The following MEI4 variants were observed in gnomAD, a reference collection of about 807,000 sequenced individuals.
The protein encoded by MEI4 is meiosis-specific protein MEI4.
Under a neutral mutation model 31.4 loss-of-function variants are expected in MEI4, and 27 were observed. That is an observed-to-expected ratio of 0.86 (90% CI 0.63 to 1.19). MEI4 has a LOEUF of 1.19. MEI4 is among the 50% of genes most tolerant of loss of function. MEI4 has a pLI of 0.00. For missense variants in MEI4, 329 were observed against 398.9 expected (o/e 0.82, Z 1.49); for synonymous variants, 122 against 145.4 (o/e 0.84, Z 1.16).
At position 77,744,750 on chromosome 6, in the gene MEI4, A is replaced by T. The variant is rs182996662; in HGVS notation, c.233-16380A>T. Among the ~76,000 whole-genome samples the T allele has an allele frequency of 1.4e-3, 213 of 152,354 alleles. 1 individual carries two copies. Among genetic ancestry groups the T allele is most frequent in the African/African-American group, 4.5e-3 (187 of 41,588 alleles). Reference sequence around the variant, plus strand: ...TATGGTTACCCACAAGGGGAAGCCCATCAGACTAACAGTCGATCTCTCGGC... The same window carrying T: ...TATGGTTACCCACAAGGGGAAGCCCTTCAGACTAACAGTCGATCTCTCGGC... On this transcript the variant is annotated intron_variant, in intron 2 of 4. Coordinates refer to ENST00000684080, the MANE Select transcript of MEI4 (RefSeq NM_001322247.2).
chr6:77,924,404 GATA>G lies in MEI4; in HGVS notation c.*1061_*1063del, dbSNP rs1766795256. On this transcript the variant is annotated 3_prime_UTR_variant, in exon 5 of 5. Coordinates refer to ENST00000684080, the MANE Select transcript of MEI4 (RefSeq NM_001322247.2). ...GAATTATTTCTAGCATTTTTGAAAA[GATA>G]ATGCCTTTTTGATAATCCTGAAACT... 6.6e-6 allele frequency: 1 copy of G among 151,830 alleles called. No individual in the cohort carries two copies. The highest frequency in any genetic ancestry group is 2.1e-4 in the South Asian group (1 of 4,830). The allele number at this position is 151,830 out of a possible 1,614,324, so 9.4% of individuals were successfully genotyped here.
intron 1 of MEI4, among the ~76,000 whole-genome samples, chr6:77,668,015 G>A (rs1198810293): frequency 1.3e-5 from 2 of 150,264 alleles, no homozygotes; most frequent in Non-Finnish European, 2.9e-5. Context: ...AATCACCACC[G>A]AGACCTGACA....
In MEI4 at chr6:77,902,548, A is replaced by G. The variant is rs960221712; in HGVS notation, c.901-20541A>G. ...AAGCACTACTGATTTTTGTGTATTG[A>G]TTTTGTATCCTTTGTGAAAGGAAAA... On this transcript the variant is annotated intron_variant, in intron 4 of 4. Transcript: ENST00000684080. Among the ~76,000 whole-genome samples, 6 of 152,028 alleles carry G rather than the reference A, an allele frequency of 3.9e-5. No homozygotes were observed. The East Asian group carries it at 9.7e-4, about 25-fold the overall frequency.
At chr6:77,823,955 G>A (rs1769885470) in intron 3 of MEI4, among the ~76,000 whole-genome samples, 1 of 152,204 alleles carries the variant, frequency 6.6e-6, no homozygotes, top group African/African-American at 2.4e-5. Flanking sequence ...ATTCAGAGTA[G>A]TAATTAGTAA....
At chr6:77,835,360 GAAAAC>G (rs1332501006) in intron 4 of MEI4, among the ~76,000 whole-genome samples, 1 of 70,570 alleles carries the variant, frequency 1.4e-5, no homozygotes, top group Non-Finnish European at 2.9e-5. Context: ...AACTCCATAA[GAAAAC>G]AAAACAAAAC....
intron 2 of MEI4, among the ~76,000 whole-genome samples, chr6:77,747,851 T>C (rs1767656398): frequency 1.3e-5 from 2 of 152,184 alleles, no homozygotes; most frequent in African/African-American, 4.8e-5. Context: ...AAAAGCTGCT[T>C]AGTTACTTCC....
At chr6:77,835,373 A>ACACACACACACACACACAC (rs1770189280) in intron 4 of MEI4, among the ~76,000 whole-genome samples, 5 of 96,794 alleles carry the variant, frequency 5.2e-5, no homozygotes, top group African/African-American at 1.8e-4. Context: ...AACAAAACAA[A>ACACACACACACACACACAC]ACACACACAC....
chr6:77,714,695 C>G (rs1360047446), intron 2 of MEI4, among the ~76,000 whole-genome samples: 1 of 152,192 alleles, frequency 6.6e-6, no homozygotes, highest in Admixed American at 6.5e-5. Flanking sequence ...CCCCATATCC[C>G]TATCTGTGCA....
intron 3 of MEI4, among the ~76,000 whole-genome samples, chr6:77,809,592 G>A (rs979760896): frequency 6.6e-6 from 1 of 152,158 alleles, no homozygotes; most frequent in African/African-American, 2.4e-5. Flanking sequence ...TATGCGTTTT[G>A]TAATGATAAT....
chr6:77,908,234 A>C lies in MEI4; in HGVS notation c.901-14855A>C, dbSNP rs183765628. 7.0e-3 allele frequency among the ~76,000 whole-genome samples: 1,057 copies of C among 152,068 alleles called. 10 individuals carry two copies. The highest frequency in any genetic ancestry group is 0.023 in the African/African-American group (962 of 41,498). On this transcript the variant is annotated intron_variant, in intron 4 of 4. Transcript: ENST00000684080. ...ATGAAGTCCTTGCCCATGCCTATGT[A>C]CTGAATGGTATTGCCTAGGTTTTCT...
chr6:77,846,569 T>C (rs1257071421), intron 4 of MEI4, among the ~76,000 whole-genome samples: 9 of 152,158 alleles, frequency 5.9e-5, no homozygotes, highest in Admixed American at 5.9e-4. Context: ...CTTTTACTTA[T>C]ATCTAATGAG....
chr6:77,748,527 C>T (rs1414991020), intron 2 of MEI4, among the ~76,000 whole-genome samples: 1 of 152,188 alleles, frequency 6.6e-6, no homozygotes, highest in African/African-American at 2.4e-5. Flanking sequence ...GGTCCTGGGC[C>T]TAGCCCAGGA....
chr6:77,842,755 A>G (rs1582205160), intron 4 of MEI4, among the ~76,000 whole-genome samples: 1 of 152,188 alleles, frequency 6.6e-6, no homozygotes, highest in Middle Eastern at 3.4e-3. Flanking sequence ...AGTGGACATC[A>G]TTGCAGGTGT....
chr6:77,769,930 T>C (rs551050253), intron 3 of MEI4, among the ~76,000 whole-genome samples: 96 of 151,802 alleles, frequency 6.3e-4, no homozygotes, highest in African/African-American at 1.6e-3. Context: ...TTCCCAGCTG[T>C]GGTAACTTTG....
chr6:77,907,223 G>A (rs1194162085), intron 4 of MEI4, among the ~76,000 whole-genome samples: 1 of 151,908 alleles, frequency 6.6e-6, no homozygotes. Flanking sequence ...TGCCATGTTG[G>A]TGTGTTGCAC....
At chr6:77,749,203 C>T (rs1189685277) in intron 2 of MEI4, among the ~76,000 whole-genome samples, 2 of 152,140 alleles carry the variant, frequency 1.3e-5, no homozygotes, top group African/African-American at 4.8e-5. Flanking sequence ...AAACCCAGAA[C>T]ACCTCTTCTC....
At chr6:77,699,909 C>T (rs962912679) in intron 2 of MEI4, among the ~76,000 whole-genome samples, 12 of 152,144 alleles carry the variant, frequency 7.9e-5, no homozygotes, top group South Asian at 4.1e-4. Context: ...TGTAGAACAG[C>T]GGATTTTGGT....
chr6:77,745,525 A>G (rs1767572960), intron 2 of MEI4, among the ~76,000 whole-genome samples: 1 of 152,336 alleles, frequency 6.6e-6, no homozygotes, highest in African/African-American at 2.4e-5. Context: ...ATAATGGGAG[A>G]CTTTAATACC....
chr6:77,688,503 A>G (rs971076802), intron 1 of MEI4, among the ~76,000 whole-genome samples: 1 of 152,162 alleles, frequency 6.6e-6, no homozygotes, highest in Non-Finnish European at 1.5e-5. Context: ...CATGATTTTA[A>G]GACTATTAAC....
Sources: gnomAD v4.1 joint callset for allele counts (sites outside exome capture counted in the v4.1 genomes callset) on GRCh38, gnomAD v4.1.1 for gene constraint, MANE v1.5 for transcripts, NCBI Gene and HGNC (gene_info 2026-07-23, HGNC 2026-07-21) for gene names.